The following MYO18B variants were observed in gnomAD, a reference collection of about 807,000 sequenced individuals.
The protein encoded by MYO18B is myosin XVIIIB, also known as unconventional myosin-XVIIIb.
A neutral mutation model predicts 273.0 loss-of-function variants in MYO18B; 204 were observed. The ratio of observed to expected loss-of-function variants is 0.75; its 90% CI spans 0.67 to 0.84. The LOEUF is 0.84. Ranked by LOEUF, MYO18B falls within the 40% of genes least tolerant of loss-of-function variation. MYO18B has a pLI of 0.00. For missense variants in MYO18B, 3,212 were observed against 3,287.6 expected, an observed-to-expected ratio of 0.98 and a Z score of 0.56; for synonymous variants, 1,330 against 1,305.7, an observed-to-expected ratio of 1.02 and a Z score of -0.40.
intron 12 of MYO18B, among the ~76,000 whole-genome samples, chr22:25,820,856 T>C (rs57223849): frequency 0.052 from 7,878 of 152,210 alleles, 294 homozygotes; most frequent in East Asian, 0.12. Context: ...TCCCAGCCTC[T>C]AGTATGCTCT....
At chr22:25,917,241 G>A (rs2092274791) in intron 33 of MYO18B, among the ~76,000 whole-genome samples, 1 of 152,086 alleles carries the variant, frequency 6.6e-6, no homozygotes, top group African/African-American at 2.4e-5. Context: ...ACTACCTCCT[G>A]TTAACTTTGG....
chr22:25,794,879 G>T (rs1179896810), intron 11 of MYO18B, among the ~76,000 whole-genome samples: 1 of 152,196 alleles, frequency 6.6e-6, no homozygotes, highest in Non-Finnish European at 1.5e-5. Flanking sequence ...TTCCATGAAA[G>T]GCTCCTTTGA....
At chr22:25,757,118 C>T (rs2086148129) in intron 1 of MYO18B, among the ~76,000 whole-genome samples, 1 of 152,092 alleles carries the variant, frequency 6.6e-6, no homozygotes, top group Non-Finnish European at 1.5e-5. Context: ...CTATAGAACA[C>T]TAGTACTTAC....
chr22:25,887,412 CA>C (rs1379420619), intron 25 of MYO18B, among the ~76,000 whole-genome samples: 1 of 152,110 alleles, frequency 6.6e-6, no homozygotes, highest in Non-Finnish European at 1.5e-5. Flanking sequence ...CCACTCCATA[CA>C]AAATATACAA....
chr22:25,810,149 AT>A (rs940305228), intron 12 of MYO18B, among the ~76,000 whole-genome samples: 8 of 147,286 alleles, frequency 5.4e-5, no homozygotes, highest in Non-Finnish European at 1.0e-4. Context: ...CCAGGCTGGA[AT>A]GCAGTGGCAC....
At chr22:25,921,702 T>TTGTGTG (rs3070571) in intron 34 of MYO18B, among the ~76,000 whole-genome samples, 1,928 of 145,646 alleles carry the variant, frequency 0.013, 27 homozygotes, top group Middle Eastern at 0.031. Context: ...AGTGTGCCTG[T>TTGTGTG]TGTGTGTGTG....
rs758999806 is a variant in MYO18B, at chr22:25,955,308, G to A, written c.6100G>A (p.Asp2034Asn). 10 of 1,613,842 alleles carry A rather than the reference G, an allele frequency of 6.2e-6. No individual in the cohort carries two copies. The highest frequency in any genetic ancestry group is 2.7e-5 in the African/African-American group (2 of 75,034). ...YQRRLEELKA[D>N]MEELVQREAE... ...GCGGCGCCTGGAAGAGCTGAAGGCC[G>A]ACATGGAAGAGCTGGTGCAGCGGGA... is the stretch of plus-strand genomic sequence containing the variant. Residue 2034 changes from aspartate (D) to asparagine (N), a missense_variant, in exon 39 of 44, where the codon GAC becomes AAC. Asp to Asn is a conservative substitution (Grantham distance 23). Transcript: ENST00000335473.
chr22:25,782,678 C>A (rs2087212414), intron 10 of MYO18B, among the ~76,000 whole-genome samples: 1 of 152,200 alleles, frequency 6.6e-6, no homozygotes, highest in African/African-American at 2.4e-5. Context: ...GTGCTCTAAC[C>A]TCACCATTGT....
At chr22:25,795,672 G>T (rs2087875367) in intron 11 of MYO18B, among the ~76,000 whole-genome samples, 1 of 152,162 alleles carries the variant, frequency 6.6e-6, no homozygotes. Context: ...TTGAGCTCCT[G>T]GTTGCTAGGG....
intron 8 of MYO18B, among the ~76,000 whole-genome samples, chr22:25,778,919 C>T (rs2032637713): frequency 6.6e-6 from 1 of 152,068 alleles, no homozygotes; most frequent in South Asian, 2.1e-4. Context: ...AGCAAATACT[C>T]CTAGCGCTGA....
At chr22:25,757,541 C>A (rs1046704492) in intron 1 of MYO18B, among the ~76,000 whole-genome samples, 4 of 151,690 alleles carry the variant, frequency 2.6e-5, no homozygotes, top group Non-Finnish European at 5.9e-5. Flanking sequence ...GAGCCGAGAC[C>A]GTGCCATTAT....
chr22:25,981,993 A>G (rs1222282296), intron 39 of MYO18B, among the ~76,000 whole-genome samples: 1 of 152,194 alleles, frequency 6.6e-6, no homozygotes, highest in Admixed American at 6.5e-5. Flanking sequence ...AGGCCTCAGG[A>G]AGCACAATCA....
At position 25,849,194 on chromosome 22, in the gene MYO18B, C is replaced by T. The variant is rs200665967; in HGVS notation, c.3775+1542C>T. On this transcript the variant is annotated intron_variant, in intron 20 of 43. Transcript: ENST00000335473. ...GGGTCAGACTGTTAGAATGCCTGTG[C>T]GCACGCAGGGTCAGGGTGTCCCGTT... Among the ~76,000 whole-genome samples, 6 of 152,300 alleles carry T rather than the reference C, an allele frequency of 3.9e-5. No individual in the cohort carries two copies. The South Asian group carries it at 1.2e-3, about 32-fold the overall frequency.
chr22:25,816,524 T>C (rs2089018904), intron 12 of MYO18B, among the ~76,000 whole-genome samples: 1 of 125,416 alleles, frequency 8.0e-6, no homozygotes, highest in Non-Finnish European at 1.6e-5. Flanking sequence ...CCCCAATGTG[T>C]TGTGTTCCCC....
At chr22:25,983,529 T>C (rs982818373) in intron 39 of MYO18B, 8 of 152,252 alleles carry the variant, frequency 5.3e-5, no homozygotes, top group African/African-American at 1.9e-4. Flanking sequence ...AAAATGATCC[T>C]GGATCCTTCA....
chr22:25,783,515 C>G (rs543669043), intron 10 of MYO18B, among the ~76,000 whole-genome samples: 1 of 152,248 alleles, frequency 6.6e-6, no homozygotes, highest in East Asian at 1.9e-4. Context: ...CACACATCAC[C>G]CTTGTTCCAG....
At chr22:25,833,894 A>G (rs1169159667) in intron 16 of MYO18B, among the ~76,000 whole-genome samples, 1 of 152,020 alleles carries the variant, frequency 6.6e-6, no homozygotes, top group Non-Finnish European at 1.5e-5. Context: ...GATGGCTTGC[A>G]GGCTTTCTCT....
At chr22:25,914,541 A>G (rs918566735) in intron 33 of MYO18B, among the ~76,000 whole-genome samples, 2 of 152,002 alleles carry the variant, frequency 1.3e-5, no homozygotes, top group Non-Finnish European at 2.9e-5. Context: ...ATTGTGGCAT[A>G]TGGGAATACC....
chr22:25,878,906 A>G (rs892658030), intron 25 of MYO18B, among the ~76,000 whole-genome samples: 3 of 152,276 alleles, frequency 2.0e-5, no homozygotes, highest in African/African-American at 4.8e-5. Flanking sequence ...CTTATCCACG[A>G]ATATATGAAA....
Sources: gnomAD v4.1 joint callset for allele counts (sites outside exome capture counted in the v4.1 genomes callset) on GRCh38, gnomAD v4.1.1 for gene constraint, MANE v1.5 for transcripts, NCBI Gene and HGNC (gene_info 2026-07-23, HGNC 2026-07-21) for gene names.